Variants in BOLL observed in about 807,000 individuals in gnomAD.
The protein encoded by BOLL is boule RNA binding protein.
A neutral mutation model predicts 44.4 loss-of-function variants in BOLL; 23 were observed. The ratio of observed to expected loss-of-function variants is 0.52; its 90% CI spans 0.37 to 0.73. The LOEUF (loss-of-function observed/expected upper bound fraction) is 0.73, where lower values mean the gene tolerates loss of function less well. Ranked by LOEUF, BOLL falls within the 30% of genes least tolerant of loss-of-function variation. The pLI is 0.00. For synonymous variants in BOLL, 97 were observed against 110.8 expected, an observed-to-expected ratio of 0.88 and a Z score of 0.78; for missense variants, 287 against 338.3, an observed-to-expected ratio of 0.85 and a Z score of 1.19.
At chr2:197,732,022 C>A (rs1400394133) in intron 10 of BOLL, among the ~76,000 whole-genome samples, 1 of 150,248 alleles carries the variant, frequency 6.7e-6, no homozygotes, top group African/African-American at 2.5e-5. Context: ...AATCCAGGAG[C>A]TGGTTTTTTG....
chr2:197,785,952 C>G, upstream of BOLL: 1 of 1,560,606 alleles, frequency 6.4e-7, no homozygotes, highest in Non-Finnish European at 8.8e-7. This position sits in a 1 kb window ranked among gnomAD's most constrained non-coding sequence, Gnocchi z 6.7. Context: ...CCCGCTATCC[C>G]GCGCCCTGGG....
At chr2:197,785,731 G>A (rs1690045856), upstream of BOLL, among the ~76,000 whole-genome samples, 1 of 152,206 alleles carries the variant, frequency 6.6e-6, no homozygotes, top group Admixed American at 6.5e-5. This position sits in a 1 kb window ranked among gnomAD's most constrained non-coding sequence, Gnocchi z 6.7. Flanking sequence ...CACGCCTGAG[G>A]TCCCCTGGCC....
At chr2:197,746,899 GAAAA>G (rs35300403) in intron 9 of BOLL, among the ~76,000 whole-genome samples, 1 of 94,104 alleles carries the variant, frequency 1.1e-5, no homozygotes. Flanking sequence ...ACTCTGTCTC[GAAAA>G]AAAAAAAAAA....
chr2:197,746,090 T>A (rs1189678680), intron 9 of BOLL, among the ~76,000 whole-genome samples: 3 of 152,242 alleles, frequency 2.0e-5, no homozygotes, highest in East Asian at 1.9e-4. Context: ...GAAGTAGCAA[T>A]TGCCACATCC....
At chr2:197,768,549 A>G (rs976707292) in intron 6 of BOLL, among the ~76,000 whole-genome samples, 5 of 151,772 alleles carry the variant, frequency 3.3e-5, no homozygotes, top group African/African-American at 1.2e-4. Flanking sequence ...ACCCACACAC[A>G]TGGAAACTTA....
intron 10 of BOLL, among the ~76,000 whole-genome samples, chr2:197,735,960 G>A (rs1385047871): frequency 6.6e-6 from 1 of 152,048 alleles, no homozygotes; most frequent in Non-Finnish European, 1.5e-5. Flanking sequence ...GAAGTTCTTT[G>A]TGCATGGTTT....
chr2:197,786,160 C>T, upstream of BOLL: 2 of 1,146,602 alleles, frequency 1.7e-6, no homozygotes, highest in Non-Finnish European at 2.4e-6. The surrounding 1 kb of genome is among the most constrained non-coding windows in gnomAD (Gnocchi z 5.9). Flanking sequence ...CAGGCTCGGA[C>T]CCCGGCCCTG....
At chr2:197,781,464 T>G (rs1689776276) in intron 2 of BOLL, among the ~76,000 whole-genome samples, 1 of 152,176 alleles carries the variant, frequency 6.6e-6, no homozygotes, top group South Asian at 2.1e-4. Context: ...ACTAGGCTTC[T>G]AGTCTCACTC....
At chr2:197,741,320 T>C (rs1346580962) in intron 10 of BOLL, among the ~76,000 whole-genome samples, 2 of 152,136 alleles carry the variant, frequency 1.3e-5, no homozygotes, top group African/African-American at 4.8e-5. Context: ...GTGATGTTTG[T>C]ACATTGATTT....
intron 8 of BOLL, among the ~76,000 whole-genome samples, chr2:197,757,127 G>A (rs1004162229): frequency 2.0e-5 from 3 of 152,046 alleles, no homozygotes; most frequent in Non-Finnish European, 2.9e-5. Context: ...TTTCACTTAT[G>A]CATTATCATT....
chr2:197,748,986 C>T (rs1279083522), intron 9 of BOLL, among the ~76,000 whole-genome samples: 1 of 152,256 alleles, frequency 6.6e-6, no homozygotes, highest in Non-Finnish European at 1.5e-5. Context: ...TACAGGAGAG[C>T]TCCAGTTGGC....
intron 6 of BOLL, among the ~76,000 whole-genome samples, chr2:197,769,726 A>T (rs541813957): frequency 6.6e-6 from 1 of 152,298 alleles, no homozygotes; most frequent in Non-Finnish European, 1.5e-5. Flanking sequence ...AGAGAGCCAA[A>T]CCATGGGTGA....
At chr2:197,784,784 T>C in intron 1 of BOLL, 2 of 987,574 alleles carry the variant, frequency 2.0e-6, no homozygotes, top group Non-Finnish European at 2.4e-6. Context: ...ACATCTAAGT[T>C]CATTATAAAC....
intron 7 of BOLL, among the ~76,000 whole-genome samples, chr2:197,763,492 A>AAG (rs1215103961): frequency 4.0e-5 from 6 of 151,508 alleles, no homozygotes; most frequent in Non-Finnish European, 7.4e-5. Context: ...AAAAAAAAAA[A>AAG]AAAAAGAAAG....
chr2:197,728,556 TA>T lies in BOLL; in HGVS notation c.850del (p.Ter284LysfsTer30). On this transcript the variant is annotated frameshift_variant and stop_lost, in exon 11 of 11. Transcript: ENST00000392296. LOFTEE classifies it high-confidence loss of function. ...CTGGAATAGAGCTGCCCAATTGTCTTAATAATGAATGCTCCACACTGTCTGT... is the reference window on the plus strand; with the variant it reads ...CTGGAATAGAGCTGCCCAATTGTCTTATAATGAATGCTCCACACTGTCTGT... ...PIKTVWSIHY[*>X] The T allele has an allele frequency of 6.2e-7, 1 of 1,612,820 alleles. No individual in the cohort carries two copies. The highest frequency in any genetic ancestry group is 8.5e-7 in the Non-Finnish European group (1 of 1,178,850).
At chr2:197,757,689 G>A (rs1420194662) in intron 7 of BOLL, among the ~76,000 whole-genome samples, 1 of 152,044 alleles carries the variant, frequency 6.6e-6, no homozygotes, top group Non-Finnish European at 1.5e-5. Context: ...ACAAAAAATA[G>A]TTAAATTAGA....
chr2:197,786,045 G>A (rs370406005), upstream of BOLL: 365 of 1,604,518 alleles, frequency 2.3e-4, 2 homozygotes, highest in Non-Finnish European at 3.0e-4. The surrounding 1 kb of genome is among the most constrained non-coding windows in gnomAD (Gnocchi z 5.9). Flanking sequence ...GGGAAAAGAA[G>A]CCTAAAGTTT....
At chr2:197,757,123 T>C (rs1218197664) in intron 8 of BOLL, among the ~76,000 whole-genome samples, 1 of 152,144 alleles carries the variant, frequency 6.6e-6, no homozygotes, top group African/African-American at 2.4e-5. Flanking sequence ...ATGCTTTCAC[T>C]TATGCATTAT....
chr2:197,754,647 G>A (rs1309725346), intron 9 of BOLL, among the ~76,000 whole-genome samples: 1 of 152,104 alleles, frequency 6.6e-6, no homozygotes, highest in Non-Finnish European at 1.5e-5. Flanking sequence ...CTGGGAGGTG[G>A]AGGTTGCAGT....
Sources: allele counts gnomAD v4.1 joint callset (sites outside exome capture counted in the v4.1 genomes callset), GRCh38; gene constraint gnomAD v4.1.1; non-coding constraint Gnocchi (gnomAD v3.1); transcripts MANE v1.5; gene names NCBI Gene and HGNC (gene_info 2026-07-23, HGNC 2026-07-21).